The following LHFPL3 variants were observed in gnomAD, a reference collection of about 807,000 sequenced individuals.
LHFPL3 encodes LHFPL tetraspan subfamily member 3.
Under a neutral mutation model 19.3 loss-of-function variants are expected in LHFPL3, and 5 were observed. The observed-to-expected ratio is 0.26, with a 90% confidence interval of 0.14 to 0.54. The LOEUF is 0.54. Among genes scored for constraint, LHFPL3 ranks in the 20% least tolerant of loss-of-function variants. The pLI, the probability that LHFPL3 is intolerant of heterozygous loss-of-function variation, is 0.94. For missense variants in LHFPL3, 249 were observed against 307.4 expected, an observed-to-expected ratio of 0.81 and a Z score of 1.42; for synonymous variants, 133 against 126.2, an observed-to-expected ratio of 1.05 and a Z score of -0.36.
chr7:104,453,046 T>G (rs1792471519), intron 1 of LHFPL3, among the ~76,000 whole-genome samples: 1 of 152,190 alleles, frequency 6.6e-6, no homozygotes, highest in Non-Finnish European at 1.5e-5. Context: ...GTCTGTCATA[T>G]GTATTTCAAA....
intron 2 of LHFPL3, among the ~76,000 whole-genome samples, chr7:104,811,578 G>GA (rs959044046): frequency 5.3e-5 from 8 of 151,486 alleles, no homozygotes; most frequent in East Asian, 1.9e-4. Flanking sequence ...TCCTAGAAGG[G>GA]AAAAAAAAGC....
At chr7:104,804,997 C>T (rs1009316971) in intron 2 of LHFPL3, among the ~76,000 whole-genome samples, 6 of 152,184 alleles carry the variant, frequency 3.9e-5, no homozygotes, top group African/African-American at 1.4e-4. Context: ...AGAATCTCTC[C>T]CAGATCTACT....
chr7:104,466,907 T>A (rs1792798486), intron 1 of LHFPL3, among the ~76,000 whole-genome samples: 1 of 152,224 alleles, frequency 6.6e-6, no homozygotes, highest in Non-Finnish European at 1.5e-5. Context: ...TCTGACATGT[T>A]CCTTTAACCC....
intron 2 of LHFPL3, among the ~76,000 whole-genome samples, chr7:104,847,694 T>G (rs1368439613): frequency 6.6e-6 from 1 of 152,230 alleles, no homozygotes; most frequent in Non-Finnish European, 1.5e-5. Flanking sequence ...GTATTTTTAA[T>G]AGAGACGAGA....
chr7:104,515,703 C>T (rs993262), intron 1 of LHFPL3, among the ~76,000 whole-genome samples: 20,996 of 152,046 alleles, frequency 0.14, 2,004 homozygotes, highest in African/African-American at 0.27. Flanking sequence ...AAAAGCAATA[C>T]GAAAAGGAGG....
At chr7:104,506,738 C>A (rs140745917) in intron 1 of LHFPL3, among the ~76,000 whole-genome samples, 21 of 152,244 alleles carry the variant, frequency 1.4e-4, no homozygotes, top group African/African-American at 4.3e-4. Flanking sequence ...GGTCATGGAA[C>A]GCAAGGAAGG....
intron 1 of LHFPL3, among the ~76,000 whole-genome samples, chr7:104,367,791 G>A (rs1291329282): frequency 6.6e-6 from 1 of 152,200 alleles, no homozygotes; most frequent in African/African-American, 2.4e-5. Context: ...CTGTTGCTTA[G>A]GAATTGTTGA....
intron 1 of LHFPL3, among the ~76,000 whole-genome samples, chr7:104,614,704 T>C (rs190992254): frequency 0.089 from 10,948 of 122,934 alleles, 749 homozygotes; most frequent in Middle Eastern, 0.14. Context: ...TCTTTCTTTC[T>C]TTCTTTCTTT....
At chr7:104,888,877 A>G (rs1202462832) in intron 2 of LHFPL3, among the ~76,000 whole-genome samples, 3 of 152,226 alleles carry the variant, frequency 2.0e-5, no homozygotes, top group African/African-American at 7.2e-5. Context: ...GAATCCACTG[A>G]AAATCCCCAT....
intron 1 of LHFPL3, among the ~76,000 whole-genome samples, chr7:104,330,024 C>G (rs1023756914): frequency 2.0e-5 from 3 of 152,212 alleles, no homozygotes; most frequent in Non-Finnish European, 4.4e-5. Flanking sequence ...TCCGATCACT[C>G]TTTCCCTGTG....
At chr7:104,648,353 C>T (rs1047373187) in intron 1 of LHFPL3, among the ~76,000 whole-genome samples, 1 of 152,162 alleles carries the variant, frequency 6.6e-6, no homozygotes, top group African/African-American at 2.4e-5. Context: ...ATATTTCCTC[C>T]ATTCTAAGAC....
chr7:104,424,259 C>T (rs1562893050), intron 1 of LHFPL3, among the ~76,000 whole-genome samples: 1 of 152,158 alleles, frequency 6.6e-6, no homozygotes, highest in Non-Finnish European at 1.5e-5. Flanking sequence ...ACTTGCTGTG[C>T]AAGAAGCATC....
chr7:104,551,642 CAG>C (rs997490183), intron 1 of LHFPL3, among the ~76,000 whole-genome samples: 80 of 152,276 alleles, frequency 5.3e-4, no homozygotes, highest in African/African-American at 1.8e-3. Flanking sequence ...GTGCCAGTGA[CAG>C]AGTGGAAAAC....
intron 1 of LHFPL3, among the ~76,000 whole-genome samples, chr7:104,372,997 C>CAA (rs58010609): frequency 1.6e-5 from 2 of 126,434 alleles, no homozygotes; most frequent in African/African-American, 3.0e-5. Flanking sequence ...AGCTTCTTTA[C>CAA]AAAAAAAAAA....
chr7:104,869,325 T>G (rs1299309908), intron 2 of LHFPL3, among the ~76,000 whole-genome samples: 1 of 152,174 alleles, frequency 6.6e-6, no homozygotes, highest in Non-Finnish European at 1.5e-5. Context: ...GGAGAAAATT[T>G]TTTGCAATCT....
At chr7:104,749,568 C>T (rs1453701040) in intron 2 of LHFPL3, among the ~76,000 whole-genome samples, 1 of 152,274 alleles carries the variant, frequency 6.6e-6, no homozygotes, top group African/African-American at 2.4e-5. Context: ...AAAGGCCAAT[C>T]TTTTGGGATC....
At chr7:104,537,928 C>T (rs1323825076) in intron 1 of LHFPL3, among the ~76,000 whole-genome samples, 1 of 152,080 alleles carries the variant, frequency 6.6e-6, no homozygotes, top group Non-Finnish European at 1.5e-5. Flanking sequence ...ACTCTGAAGC[C>T]AGGGATTGTC....
At chr7:104,549,096 A>G (rs946218589) in intron 1 of LHFPL3, among the ~76,000 whole-genome samples, 2 of 152,114 alleles carry the variant, frequency 1.3e-5, no homozygotes, top group African/African-American at 4.8e-5. Flanking sequence ...CTTGAACAGG[A>G]AGTAATGAAG....
intron 2 of LHFPL3, among the ~76,000 whole-genome samples, chr7:104,840,383 G>A (rs1394401155): frequency 1.5e-5 from 2 of 136,756 alleles, no homozygotes; most frequent in African/African-American, 5.4e-5. Context: ...CGGCACAATC[G>A]CGACTATTAC....
Sources: allele counts gnomAD v4.1 joint callset (sites outside exome capture counted in the v4.1 genomes callset), GRCh38; gene constraint gnomAD v4.1.1; transcripts MANE v1.5; gene names NCBI Gene and HGNC (gene_info 2026-07-23, HGNC 2026-07-21).